Variants in KCNK12 observed in about 807,000 individuals in gnomAD.
KCNK12 encodes potassium channel subfamily K member 12.
Under a neutral mutation model 25.3 loss-of-function variants are expected in KCNK12, and 6 were observed. The observed-to-expected ratio is 0.24, with a 90% confidence interval of 0.13 to 0.47. The LOEUF (loss-of-function observed/expected upper bound fraction) is 0.47, where lower values mean the gene tolerates loss of function less well. KCNK12 is among the 20% of genes least tolerant of loss of function. KCNK12 has a pLI of 0.99. For synonymous variants in KCNK12, 331 were observed against 311.1 expected (o/e 1.06, Z -0.67); for missense variants, 444 against 661.7 (o/e 0.67, Z 3.61).
At position 47,509,972 on chromosome 2, in the gene KCNK12, TC is replaced by T. The variant is rs1214358741; in HGVS notation, c.*10934del. On this transcript the variant is annotated 3_prime_UTR_variant, in exon 2 of 2. Coordinates refer to ENST00000327876, the MANE Select transcript of KCNK12 (RefSeq NM_022055.2). ...TCACTTCACACCCATCCCAATCCCC[TC>T]CCCCTTGCTGTCCTCTTGTACAGAG... 1 of 151,966 alleles carries T rather than the reference TC, an allele frequency of 6.6e-6. No individual in the cohort carries two copies. The highest frequency in any genetic ancestry group is 1.5e-5 in the Non-Finnish European group (1 of 68,006). 9.4% of individuals were successfully genotyped at this position (151,966 alleles called of 1,614,324 possible).
In KCNK12 at chr2:47,547,376, G is replaced by A. The variant is rs1425222079; in HGVS notation, c.391+22565C>T. On this transcript the variant is annotated intron_variant, in intron 1 of 1. Coordinates refer to ENST00000327876, the MANE Select transcript of KCNK12 (RefSeq NM_022055.2). This position sits in a 1 kb window ranked among gnomAD's most constrained non-coding sequence, Gnocchi z 5.0. The stretch of plus-strand genomic sequence containing the variant: ...GGTTAGGGCACAACCTGGGCATCAA[G>A]GCTTAAAAACTCCCAGGTAATTTTA... Among the ~76,000 whole-genome samples the A allele has an allele frequency of 6.6e-6, 1 of 152,180 alleles. No homozygotes were observed. The highest frequency in any genetic ancestry group is 2.4e-5 in the African/African-American group (1 of 41,446).
chr2:47,533,858 G>A lies in KCNK12; in HGVS notation c.392-12050C>T, dbSNP rs79997046. Among the ~76,000 whole-genome samples, 87 of 152,254 alleles carry A rather than the reference G, an allele frequency of 5.7e-4. 1 individual carries two copies. The East Asian group carries it at 7.9e-3, about 14-fold the overall frequency. ...AGAAGCTCTTGGTTTTCTTCCCTCC[G>A]AAGCCAGGCGTGGGGTGGGAGCATC... is the stretch of plus-strand genomic sequence containing the variant. On this transcript the variant is annotated intron_variant, in intron 1 of 1. Transcript: ENST00000327876. This position sits in a 1 kb window ranked among gnomAD's most constrained non-coding sequence, Gnocchi z 4.7.
chr2:47,561,010 G>C (rs946116073), intron 1 of KCNK12, among the ~76,000 whole-genome samples: 1 of 152,184 alleles, frequency 6.6e-6, no homozygotes, highest in South Asian at 2.1e-4. Context: ...CCACACATGG[G>C]GCTATTTGCT....
chr2:47,563,928 G>T (rs1158576398), intron 1 of KCNK12: 1 of 232,052 alleles, frequency 4.3e-6, no homozygotes, highest in Non-Finnish European at 8.5e-6. Context: ...AATAGCGGCA[G>T]ACCATTCCTG....
intron 1 of KCNK12, among the ~76,000 whole-genome samples, chr2:47,524,120 G>C (rs1668719176): frequency 6.6e-6 from 1 of 152,160 alleles, no homozygotes; most frequent in Non-Finnish European, 1.5e-5. Flanking sequence ...GATGGATTAT[G>C]TCCCTAGATT....
intron 1 of KCNK12, among the ~76,000 whole-genome samples, chr2:47,536,758 G>A (rs1281600376): frequency 6.6e-6 from 1 of 152,208 alleles, no homozygotes; most frequent in Non-Finnish European, 1.5e-5. Flanking sequence ...GTGATTTATG[G>A]AGGACTTAAG....
In KCNK12 at chr2:47,514,441, C is replaced by A. The variant is rs1224135615; in HGVS notation, c.*6466G>T. On this transcript the variant is annotated 3_prime_UTR_variant, in exon 2 of 2. Coordinates refer to ENST00000327876, the MANE Select transcript of KCNK12 (RefSeq NM_022055.2). This position sits in a 1 kb window ranked among gnomAD's most constrained non-coding sequence, Gnocchi z 5.0. Reference sequence around the variant, plus strand: ...GCCCCTAACACAGGGGATGCCTGACCCCAAACTAGACGAGTTACTTGACCT... The same window carrying A: ...GCCCCTAACACAGGGGATGCCTGACACCAAACTAGACGAGTTACTTGACCT... Among the ~76,000 whole-genome samples, 2 of 152,136 alleles carry A rather than the reference C, an allele frequency of 1.3e-5. No individual in the cohort carries two copies. Among genetic ancestry groups the A allele is most frequent in the East Asian group, 3.8e-4 (2 of 5,198 alleles).
chr2:47,542,873 A>G (rs1669230535), intron 1 of KCNK12, among the ~76,000 whole-genome samples: 4 of 152,160 alleles, frequency 2.6e-5, no homozygotes, highest in Admixed American at 2.0e-4. Context: ...TGGGCCAACA[A>G]ATACTTGGGT....
intron 1 of KCNK12, among the ~76,000 whole-genome samples, chr2:47,561,532 G>C (rs1490361514): frequency 6.6e-6 from 1 of 152,170 alleles, no homozygotes; most frequent in Non-Finnish European, 1.5e-5. Context: ...GCACAGGGTG[G>C]TGTGGCCGGG....
chr2:47,519,500 A>C lies in KCNK12; in HGVS notation c.*1407T>G, dbSNP rs1207906477. The C allele has an allele frequency of 1.3e-5, 2 of 152,320 alleles. No individual in the cohort carries two copies. The highest frequency in any genetic ancestry group is 3.9e-4 in the East Asian group (2 of 5,184). The allele number at this position is 152,320 out of a possible 1,614,324, so 9.4% of individuals were successfully genotyped here. On this transcript the variant is annotated 3_prime_UTR_variant, in exon 2 of 2. Transcript: ENST00000327876. ...CATCATATATGAGAAAAATGGGCAG[A>C]GAGAGTGTTCGTTTACACCCCCAGA...
Position 47,521,611 on chromosome 2 carries a change from C to T in KCNK12, c.589G>A (p.Gly197Ser). 6.4e-7 allele frequency: 1 copy of T among 1,569,900 alleles called. No homozygotes were observed. The highest frequency in any genetic ancestry group is 8.6e-7 in the Non-Finnish European group (1 of 1,157,868). Reference sequence around the variant, plus strand: ...CTGTCGGCCTCCGAGAGCGCGGAGCCGCGGCGGAAGGTGGCGGGCAGCAGG... The same window carrying T: ...CTGTCGGCCTCCGAGAGCGCGGAGCTGCGGCGGAAGGTGGCGGGCAGCAGG... ...SGLLPATFRRGSALSEADSLA... is the reference protein window; with the variant it reads ...SGLLPATFRRSSALSEADSLA... The change falls in exon 2 of 2, where the codon GGC (glycine) becomes AGC (serine). Residue 197 changes from glycine to serine, a missense_variant. Around this residue, in one of 8 missense-constraint regions of KCNK12, gnomAD observed 36 missense variants for 36.4 expected, o/e 0.99. Coordinates refer to ENST00000327876, the MANE Select transcript of KCNK12 (RefSeq NM_022055.2).
rs533784135 is a variant in KCNK12 at position 47,516,143 on chromosome 2, G to A, written c.*4764C>T. 2.6e-5 allele frequency among the ~76,000 whole-genome samples: 4 copies of A among 152,216 alleles called. No individual in the cohort carries two copies. In the South Asian group the frequency reaches 8.3e-4, roughly 32 times the overall value. Reference sequence around the variant, plus strand: ...CAGACCTCCTAGTTTCTAAGTGGACGCTCTTTCTACACCACCATAATGTGA... The same window carrying A: ...CAGACCTCCTAGTTTCTAAGTGGACACTCTTTCTACACCACCATAATGTGA... On this transcript the variant is annotated 3_prime_UTR_variant, in exon 2 of 2. Transcript: ENST00000327876.
chr2:47,522,383 AC>A (rs1558546746), intron 1 of KCNK12, among the ~76,000 whole-genome samples: 2 of 152,166 alleles, frequency 1.3e-5, no homozygotes, highest in African/African-American at 4.8e-5. Flanking sequence ...TGGAAACTCC[AC>A]TGCCTACTTG....
Position 47,562,316 on chromosome 2 carries a change from A to G in KCNK12, c.391+7625T>C, listed in dbSNP as rs948962566. ...CACTGTGAACATTGTAAAATCTGCA[A>G]TTACAAGATTCTGGATGCTTCATCC... On this transcript the variant is annotated intron_variant, in intron 1 of 1. Transcript: ENST00000327876. This position sits in a 1 kb window ranked among gnomAD's most constrained non-coding sequence, Gnocchi z 4.8. 1 of 390,252 alleles carries G rather than the reference A, an allele frequency of 2.6e-6. No individual in the cohort carries two copies. The highest frequency in any genetic ancestry group is 1.4e-4 in the South Asian group (1 of 6,914). The allele number at this position is 390,252 out of a possible 1,614,324, so 24.2% of individuals were successfully genotyped here.
intron 1 of KCNK12, among the ~76,000 whole-genome samples, chr2:47,526,281 C>T (rs1276157999): frequency 6.6e-6 from 1 of 151,128 alleles, no homozygotes; most frequent in Admixed American, 6.6e-5. Flanking sequence ...CGGCGGGTGC[C>T]TGTAGTCCCA....
rs556437118 is a variant in KCNK12, at chr2:47,548,503, C to G, written c.391+21438G>C. Among the ~76,000 whole-genome samples the G allele has an allele frequency of 3.3e-5, 5 of 152,286 alleles. No homozygotes were observed. The highest frequency in any genetic ancestry group is 4.4e-5 in the Non-Finnish European group (3 of 68,030). On this transcript the variant is annotated intron_variant, in intron 1 of 1. Transcript: ENST00000327876. The surrounding 1 kb of genome is among the most constrained non-coding windows in gnomAD (Gnocchi z 4.4). ...CCTTGCAGTTGCTAAGGGCAAAAGTCTTAGAGCCCTTTTTTATTCTTTTGC... is the reference window on the plus strand; with the variant it reads ...CCTTGCAGTTGCTAAGGGCAAAAGTGTTAGAGCCCTTTTTTATTCTTTTGC...
Position 47,526,907 on chromosome 2 carries a change from C to A in KCNK12, c.392-5099G>T, listed in dbSNP as rs1321448853. 2.6e-5 allele frequency among the ~76,000 whole-genome samples: 4 copies of A among 152,312 alleles called. No homozygotes were observed. In the East Asian group the frequency reaches 7.7e-4, roughly 29 times the overall value. On this transcript the variant is annotated intron_variant, in intron 1 of 1. Transcript: ENST00000327876. ...ACTGGTTCCACCTGGATTTTCTCTT[C>A]ATTGTGGTGAAAGCCACCACCTAAC...
chr2:47,530,632 G>A (rs1012970774), intron 1 of KCNK12, among the ~76,000 whole-genome samples: 45 of 152,306 alleles, frequency 3.0e-4, no homozygotes, highest in Non-Finnish European at 4.6e-4. Context: ...GAGGCTCCAT[G>A]TTTTCACTGA....
intron 1 of KCNK12, among the ~76,000 whole-genome samples, chr2:47,534,515 A>ACCCCCCCCCCCCCCCCCC (rs34901455): frequency 4.2e-5 from 2 of 48,162 alleles, no homozygotes; most frequent in African/African-American, 1.9e-4. Context: ...GCCCCTTCTA[A>ACCCCCCCCCCCCCCCCCC]CCCCCCCCCC....
Sources: allele counts gnomAD v4.1 joint callset (sites outside exome capture counted in the v4.1 genomes callset), GRCh38; gene constraint gnomAD v4.1.1; regional missense constraint gnomAD v4.1.1; non-coding constraint Gnocchi (gnomAD v3.1); transcripts MANE v1.5; gene names NCBI Gene and HGNC (gene_info 2026-07-23, HGNC 2026-07-21).